The following NCOR1 variants were observed in gnomAD, a reference collection of about 807,000 sequenced individuals.
NCOR1 encodes nuclear receptor corepressor 1.
In NCOR1, 63 loss-of-function variants were observed where a neutral mutation model predicts 288.1. The observed-to-expected ratio is 0.22, with a 90% confidence interval of 0.18 to 0.27. The LOEUF is 0.27. Among genes scored for constraint, NCOR1 ranks in the 10% least tolerant of loss-of-function variants. The pLI, the probability that NCOR1 is intolerant of heterozygous loss-of-function variation, is 1.00. For missense variants in NCOR1, 2,397 were observed against 3,019.2 expected, an observed-to-expected ratio of 0.79 and a Z score of 4.83; for synonymous variants, 1,007 against 1,065.9, an observed-to-expected ratio of 0.94 and a Z score of 1.08.
chr17:16,140,135 T>C (rs548332034), intron 11 of NCOR1, among the ~76,000 whole-genome samples: 1 of 152,330 alleles, frequency 6.6e-6, no homozygotes, highest in South Asian at 2.1e-4. Context: ...GTAGAAATAA[T>C]GGCTACATAT....
chr17:16,097,014 C>T (rs2066750495), intron 21 of NCOR1, among the ~76,000 whole-genome samples: 1 of 152,170 alleles, frequency 6.6e-6, no homozygotes, highest in East Asian at 1.9e-4. Context: ...GTGAAATAAG[C>T]CTATCACAAA....
In NCOR1 at chr17:16,091,918, A is replaced by G. The variant is rs1346029472; in HGVS notation, c.2961T>C (p.Cys987=). 10 of 1,614,080 alleles carry G rather than the reference A, an allele frequency of 6.2e-6. No individual in the cohort carries two copies. The Admixed American group carries it at 1.2e-4, about 19-fold the overall frequency. Residue 987 remains cysteine, a synonymous_variant, in exon 22 of 46, where the codon TGT becomes TGC. Transcript: ENST00000268712. ...RQRQEQIDLE[C]RSSTSPCGTS... is the part of the protein sequence containing the mutation. ...TGCCACATGGACTTGTAGAACTTCT[A>G]CATTCCAAATCTATCTGTTCTTGTC...
intron 44 of NCOR1, 85 bp downstream of exon 44, chr17:16,039,347 AT>A: frequency 7.9e-7 from 1 of 1,269,224 alleles, no homozygotes; most frequent in Non-Finnish European, 1.1e-6. Context: ...CATAAATGAA[AT>A]GTCTTAGTGA....
At chr17:16,214,377 G>A (rs2092382552) in intron 1 of NCOR1, among the ~76,000 whole-genome samples, 1 of 152,166 alleles carries the variant, frequency 6.6e-6, no homozygotes, top group Non-Finnish European at 1.5e-5. Flanking sequence ...TAAATCCCGG[G>A]CCTGTTGCTC....
chr17:16,032,159 T>C lies in NCOR1; in HGVS notation c.*137A>G, dbSNP rs1972129478. On this transcript the variant is annotated 3_prime_UTR_variant, in exon 46 of 46. Coordinates refer to ENST00000268712, the MANE Select transcript of NCOR1 (RefSeq NM_006311.4). Reference sequence around the variant, plus strand: ...CAAATGAACTTCCATCATTTCTTCATCATCTGTGGGCTGGCTCTCCTGAAA... The same window carrying C: ...CAAATGAACTTCCATCATTTCTTCACCATCTGTGGGCTGGCTCTCCTGAAA... The C allele has an allele frequency of 1.2e-6, 1 of 850,702 alleles. No homozygotes were observed. The highest frequency in any genetic ancestry group is 3.2e-5 in the East Asian group (1 of 31,642). The allele number at this position is 850,702 out of a possible 1,614,324, so 52.7% of individuals were successfully genotyped here.
At chr17:16,047,139 C>A in intron 41 of NCOR1, 46 bp from the exon 42 acceptor site, 1 of 1,545,564 alleles carries the variant, frequency 6.5e-7, no homozygotes, top group East Asian at 2.3e-5. Context: ...TACTCCTAAT[C>A]CTGGGGACAT....
intron 41 of NCOR1, 61 bp downstream of exon 41, chr17:16,048,783 GA>G (rs2058968951): frequency 1.4e-6 from 2 of 1,441,810 alleles, no homozygotes; most frequent in South Asian, 1.7e-5. Flanking sequence ...ACAACTGAAG[GA>G]AATGTTAAAG....
chr17:16,082,314 A>G (rs1269416768), intron 23 of NCOR1, among the ~76,000 whole-genome samples: 3 of 152,230 alleles, frequency 2.0e-5, no homozygotes, highest in Admixed American at 2.0e-4. Flanking sequence ...AGCCATACAT[A>G]TGAAACAGAG....
intron 45 of NCOR1, 128 bp from the exon 46 acceptor site, chr17:16,032,611 G>A: frequency 1.2e-6 from 1 of 836,334 alleles, no homozygotes; most frequent in Non-Finnish European, 1.8e-6. Flanking sequence ...AAAGCAAAAT[G>A]AATACAACAC....
chr17:16,115,354 G>A (rs1406514930), intron 18 of NCOR1, among the ~76,000 whole-genome samples: 1 of 152,180 alleles, frequency 6.6e-6, no homozygotes, highest in East Asian at 1.9e-4. Flanking sequence ...CATTGTCTTG[G>A]AACTTAATAT....
intron 1 of NCOR1, among the ~76,000 whole-genome samples, chr17:16,207,386 G>A (rs2091637774): frequency 6.6e-6 from 1 of 152,074 alleles, no homozygotes; most frequent in African/African-American, 2.4e-5. Context: ...TGGGGTAAAG[G>A]GGCAATCTAT....
rs200490862 is a variant in NCOR1, at chr17:16,127,310, CATGTATGT to C, written c.1510-1112_1510-1105del. On this transcript the variant is annotated intron_variant, in intron 14 of 45. Coordinates refer to ENST00000268712, the MANE Select transcript of NCOR1 (RefSeq NM_006311.4). ...GTATATATGTATGTATGTATATATACATGTATGTATATATGTATGTATATATACATGTA... is the reference window on the plus strand; with the variant it reads ...GTATATATGTATGTATGTATATATACATATATGTATGTATATATACATGTA... Among the ~76,000 whole-genome samples the C allele has an allele frequency of 5.9e-3, 252 of 42,722 alleles. 38 individuals are homozygous for C. Among genetic ancestry groups the C allele is most frequent in the African/African-American group, 9.0e-3 (145 of 16,088 alleles). The allele number at this position is 42,722 out of a possible 152,430, so 28.0% of individuals were successfully genotyped here. A position where few individuals can be genotyped will look rare whatever the true frequency, so the allele number is the denominator to read the frequency against.
chr17:16,080,009 T>G lies in NCOR1; in HGVS notation c.3456A>C (p.Lys1152Asn), dbSNP rs773001959. Reference sequence around the variant, plus strand: ...GGGATGGAATGCTCTCCACTGAAATTTTGCTGGTTGGAGTTCCCCGAGTTA... The same window carrying G: ...GGGATGGAATGCTCTCCACTGAAATGTTGCTGGTTGGAGTTCCCCGAGTTA... Reference protein sequence around the residue: ...GSITRGTPTSKISVESIPSLR... With the variant: ...GSITRGTPTSNISVESIPSLR... Residue 1152 changes from lysine (K) to asparagine (N), a missense_variant, in exon 26 of 46, where the codon AAA (lysine) becomes AAC (asparagine). This residue lies in a region of NCOR1 where 1,872 missense variants were observed against 2,187.8 expected (regional missense o/e 0.86). Transcript: ENST00000268712. The G allele has an allele frequency of 1.9e-6, 3 of 1,614,122 alleles. No homozygotes were observed. Among genetic ancestry groups the G allele is most frequent in the Non-Finnish European group, 2.5e-6 (3 of 1,180,012 alleles).
intron 14 of NCOR1, among the ~76,000 whole-genome samples, chr17:16,127,673 ATG>A (rs1462158928): frequency 1.4e-5 from 2 of 144,976 alleles, no homozygotes; most frequent in African/African-American, 5.2e-5. Context: ...ATATGTATAT[ATG>A]TGTATGTGTA....
intron 19 of NCOR1, among the ~76,000 whole-genome samples, chr17:16,104,926 TG>T (rs1390977437): frequency 5.3e-5 from 8 of 151,958 alleles, no homozygotes; most frequent in Admixed American, 5.2e-4. Flanking sequence ...AGGCACATGG[TG>T]GGGAAGAGCA....
intron 5 of NCOR1, among the ~76,000 whole-genome samples, chr17:16,160,504 C>T (rs1251531458): frequency 6.6e-6 from 1 of 152,092 alleles, no homozygotes; most frequent in African/African-American, 2.4e-5. Context: ...CTAAATAAGA[C>T]TGATAGGCCG....
rs2072046608 is a variant in NCOR1, at chr17:16,117,871, C to T, written c.2055+17G>A. 1.9e-6 allele frequency: 3 copies of T among 1,607,594 alleles called. No homozygotes were observed. Among genetic ancestry groups the T allele is most frequent in the East Asian group, 4.5e-5 (2 of 44,720 alleles). On this transcript the variant is annotated intron_variant, in intron 18 of 45. Coordinates refer to ENST00000268712, the MANE Select transcript of NCOR1 (RefSeq NM_006311.4). Reference sequence around the variant, plus strand: ...TAAAAAACAGTAAGTAAAGAGTCACCACCCCAATATACTCACTTTCTGTTT... The same window carrying T: ...TAAAAAACAGTAAGTAAAGAGTCACTACCCCAATATACTCACTTTCTGTTT...
intron 11 of NCOR1, among the ~76,000 whole-genome samples, chr17:16,142,954 G>A (rs1157919157): frequency 6.6e-6 from 1 of 152,236 alleles, no homozygotes; most frequent in African/African-American, 2.4e-5. Context: ...TTAGTGAAAT[G>A]GCGTTCTTGT....
chr17:16,116,317 T>C (rs964742568), intron 18 of NCOR1, among the ~76,000 whole-genome samples: 1 of 152,154 alleles, frequency 6.6e-6, no homozygotes, highest in African/African-American at 2.4e-5. Context: ...ATTTGGAAAG[T>C]AGAGTTAAAG....
Sources: gnomAD v4.1 joint callset for allele counts (sites outside exome capture counted in the v4.1 genomes callset) on GRCh38, gnomAD v4.1.1 for gene constraint, gnomAD v4.1.1 regional missense constraint, MANE v1.5 for transcripts, NCBI Gene and HGNC (gene_info 2026-07-23, HGNC 2026-07-21) for gene names.